The following CLDN4 variants were observed in gnomAD, a reference collection of about 807,000 sequenced individuals.
CLDN4 encodes claudin 4, also known as claudin-4.
CLDN4 carries 12 observed loss-of-function variants against 13.7 expected under a neutral mutation model. The observed-to-expected ratio is 0.88, with a 90% confidence interval of 0.56 to 1.42. The LOEUF is 1.42. Ranked by LOEUF, CLDN4 falls within the 40% of genes most tolerant of loss-of-function variation. The probability of loss-of-function intolerance (pLI) is 0.00; values close to 1 mark genes in which losing one functional copy is unlikely to be tolerated. For synonymous variants in CLDN4, 152 were observed against 140.6 expected, an observed-to-expected ratio of 1.08 and a Z score of -0.57; for missense variants, 252 against 297.4, an observed-to-expected ratio of 0.85 and a Z score of 1.12.
Position 73,831,079 on chromosome 7 carries a change from G to C in CLDN4, c.-123G>C. 8.0e-7 allele frequency: 1 copy of C among 1,245,690 alleles called. No individual in the cohort carries two copies. The highest frequency in any genetic ancestry group is 1.5e-5 in the African/African-American group (1 of 67,100). 77.2% of individuals were successfully genotyped at this position (1,245,690 alleles called of 1,614,324 possible). On this transcript the variant is annotated 5_prime_UTR_variant, in exon 1 of 1. Transcript: ENST00000340958. ...CGCATCAGGACTGGCTTTATCTCCT[G>C]ACTCACGGTGCAAAGGTGCACTCTG...
At position 73,831,169 on chromosome 7, in the gene CLDN4, T is replaced by C; in HGVS notation, c.-33T>C. The stretch of plus-strand genomic sequence containing the variant: ...CCCCCACAGCCGGATCCCCTCAGCC[T>C]TCCAGGTCCTCAACTCCCGTGGACG... On this transcript the variant is annotated 5_prime_UTR_variant, in exon 1 of 1. Transcript: ENST00000340958. 1 of 1,524,552 alleles carries C rather than the reference T, an allele frequency of 6.6e-7. No individual in the cohort carries two copies. Among genetic ancestry groups the C allele is most frequent in the Non-Finnish European group, 8.8e-7 (1 of 1,138,070 alleles). The allele number at this position is 1,524,552 out of a possible 1,614,324, so 94.4% of individuals were successfully genotyped here. A position where few individuals can be genotyped will look rare whatever the true frequency, so the allele number is the denominator to read the frequency against.
chr7:73,831,364 G>A lies in CLDN4; in HGVS notation c.163G>A (p.Val55Met), dbSNP rs199697067. 46 of 1,614,052 alleles carry A rather than the reference G, an allele frequency of 2.8e-5. No homozygotes were observed. The highest frequency in any genetic ancestry group is 3.6e-5 in the Non-Finnish European group (43 of 1,179,964). ...CTGGGAGGGCCTATGGATGAACTGC[G>A]TGGTGCAGAGCACCGGCCAGATGCA... ...TIWEGLWMNC[V>M]VQSTGQMQCK... The change falls in exon 1 of 1, where the codon GTG becomes ATG. Residue 55 changes from valine to methionine, a missense_variant. Val to Met is a conservative substitution (Grantham distance 21, BLOSUM62 1). Transcript: ENST00000340958.
chr7:73,831,330 G>C lies in CLDN4; in HGVS notation c.129G>C (p.Ser43=). Residue 43 remains serine (S), a synonymous_variant, in exon 1 of 1, where the codon TCG becomes TCC. Coordinates refer to ENST00000340958, the MANE Select transcript of CLDN4 (RefSeq NM_001305.5). ...TAFIGSNIVT[S]QTIWEGLWMN... ...TCATCGGCAGCAACATTGTCACCTC[G>C]CAGACCATCTGGGAGGGCCTATGGA... is the stretch of plus-strand genomic sequence containing the variant. 1 of 1,614,000 alleles carries C rather than the reference G, an allele frequency of 6.2e-7. No individual in the cohort carries two copies. Among genetic ancestry groups the C allele is most frequent in the Non-Finnish European group, 8.5e-7 (1 of 1,179,958 alleles).
At position 73,831,711 on chromosome 7, in the gene CLDN4, C is replaced by T. The variant is rs1554634174; in HGVS notation, c.510C>T (p.Ala170=). 1.1e-5 allele frequency: 18 copies of T among 1,613,932 alleles called. No individual in the cohort carries two copies. The highest frequency in any genetic ancestry group is 1.7e-5 in the Admixed American group (1 of 60,018). ...MGASLYVGWA[A]SGLLLLGGGL... is the part of the protein sequence containing the mutation. ...CCTCGCTCTACGTCGGCTGGGCCGC[C>T]TCCGGCCTGCTGCTCCTTGGCGGGG... The change falls in exon 1 of 1, where the codon GCC becomes GCT. Residue 170 remains alanine (A), a synonymous_variant. Coordinates refer to ENST00000340958, the MANE Select transcript of CLDN4 (RefSeq NM_001305.5).
Position 73,831,566 on chromosome 7 carries a change from G to A in CLDN4, c.365G>A (p.Gly122Asp), listed in dbSNP as rs1384346684. Residue 122 changes from glycine (G) to aspartate (D), a missense_variant, in exon 1 of 1, where the codon GGC becomes GAC. By Grantham distance (94) the Gly-to-Asp change is moderately conservative. Coordinates refer to ENST00000340958, the MANE Select transcript of CLDN4 (RefSeq NM_001305.5). ...SAKAKTMIVA[G>D]VVFLLAGLMV... ...AAGGCCAAGACCATGATCGTGGCGG[G>A]CGTGGTGTTCCTGTTGGCCGGCCTT... 1.2e-6 allele frequency: 2 copies of A among 1,614,062 alleles called. No individual in the cohort carries two copies. The highest frequency in any genetic ancestry group is 1.7e-6 in the Non-Finnish European group (2 of 1,180,008).
chr7:73,831,781 TCCG>T lies in CLDN4; in HGVS notation c.583_585del (p.Ala195del). On this transcript the variant is annotated inframe_deletion, in exon 1 of 1. Transcript: ENST00000340958. The stretch of plus-strand genomic sequence containing the variant: ...TCCACCCCGCACAGACAAGCCTTAC[TCCG>T]CCAAGTATTCTGCTGCCCGCTCTGC... 1.3e-6 allele frequency: 2 copies of T among 1,595,036 alleles called. No homozygotes were observed. The highest frequency in any genetic ancestry group is 8.6e-7 in the Non-Finnish European group (1 of 1,168,414).
In CLDN4 at chr7:73,831,674, G is replaced by C; in HGVS notation, c.473G>C (p.Arg158Pro). Residue 158 changes from arginine (R) to proline (P), a missense_variant, in exon 1 of 1, where the codon CGG becomes CCG. By Grantham distance (103) the Arg-to-Pro change is moderately radical. Transcript: ENST00000340958. ...CCGCTGGTGGCCTCCGGGCAGAAGCGGGAGATGGGTGCCTCGCTCTACGTC... is the reference window on the plus strand; with the variant it reads ...CCGCTGGTGGCCTCCGGGCAGAAGCCGGAGATGGGTGCCTCGCTCTACGTC... ...YNPLVASGQK[R>P]EMGASLYVGW... 1 of 1,614,152 alleles carries C rather than the reference G, an allele frequency of 6.2e-7. No homozygotes were observed. Among genetic ancestry groups the C allele is most frequent in the Non-Finnish European group, 8.5e-7 (1 of 1,180,000 alleles).
In CLDN4 at chr7:73,831,330, G is replaced by A. The variant is rs529012641; in HGVS notation, c.129G>A (p.Ser43=). 25 of 1,614,000 alleles carry A rather than the reference G, an allele frequency of 1.5e-5. No homozygotes were observed. In the South Asian group the frequency reaches 1.8e-4, roughly 11 times the overall value. ...TCATCGGCAGCAACATTGTCACCTC[G>A]CAGACCATCTGGGAGGGCCTATGGA... ...TAFIGSNIVT[S]QTIWEGLWMN... Residue 43 remains serine, a synonymous_variant, in exon 1 of 1, where the codon TCG becomes TCA. Coordinates refer to ENST00000340958, the MANE Select transcript of CLDN4 (RefSeq NM_001305.5).
chr7:73,831,902 C>T lies in CLDN4; in HGVS notation c.*71C>T, dbSNP rs782216586. 1.0e-5 allele frequency: 15 copies of T among 1,506,858 alleles called. No homozygotes were observed. The highest frequency in any genetic ancestry group is 1.4e-5 in the South Asian group (1 of 73,952). 93.3% of individuals were successfully genotyped at this position (1,506,858 alleles called of 1,614,324 possible). ...GACTGAGCTCAGCGCAGGCTGTGAC[C>T]CCAGGAGGGCCCTGCCACGGGCCAC... On this transcript the variant is annotated 3_prime_UTR_variant, in exon 1 of 1. Transcript: ENST00000340958.
Position 73,831,216 on chromosome 7 carries a change from G to A in CLDN4, c.15G>A (p.Gly5=). 1 of 1,572,256 alleles carries A rather than the reference G, an allele frequency of 6.4e-7. No homozygotes were observed. Among genetic ancestry groups the A allele is most frequent in the South Asian group, 1.2e-5 (1 of 84,692 alleles). Residue 5 remains glycine (G), a synonymous_variant, in exon 1 of 1, where the codon GGG becomes GGA. Transcript: ENST00000340958. ...GACGCTGAACAATGGCCTCCATGGG[G>A]CTACAGGTAATGGGCATCGCGCTGG... MASM[G]LQVMGIALAV... is the part of the protein sequence containing the mutation.
rs782794763 is a variant in CLDN4, at chr7:73,831,278, C to CA, written c.77_78insA (p.Leu27AlafsTer85). The stretch of plus-strand genomic sequence containing the variant: ...TGGCTGGCCGTCATGCTGTGCTGCG[C>CA]GCTGCCCATGTGGCGCGTGACGGCC... On this transcript the variant is annotated frameshift_variant, in exon 1 of 1. Transcript: ENST00000340958. LOFTEE classifies it high-confidence loss of function. The CA allele has an allele frequency of 6.2e-7, 1 of 1,612,686 alleles. No individual in the cohort carries two copies. The highest frequency in any genetic ancestry group is 8.5e-7 in the Non-Finnish European group (1 of 1,179,344).
Position 73,831,708 on chromosome 7 carries a change from C to T in CLDN4, c.507C>T (p.Ala169=), listed in dbSNP as rs201477654. The change falls in exon 1 of 1, where the codon GCC becomes GCT. Residue 169 remains alanine (A), a synonymous_variant. Transcript: ENST00000340958. The part of the protein sequence containing the change: ...EMGASLYVGW[A]ASGLLLLGGG... ...GTGCCTCGCTCTACGTCGGCTGGGC[C>T]GCCTCCGGCCTGCTGCTCCTTGGCG... 8.2e-5 allele frequency: 132 copies of T among 1,613,996 alleles called. No individual in the cohort carries two copies. Among genetic ancestry groups the T allele is most frequent in the South Asian group, 7.6e-4 (69 of 91,054 alleles).
In CLDN4 at chr7:73,831,354, G is replaced by A; in HGVS notation, c.153G>A (p.Trp51Ter). Residue 51 changes from tryptophan (W) to a stop codon, truncating the protein, a stop_gained, in exon 1 of 1, where the codon TGG (tryptophan) becomes TGA (stop). Transcript: ENST00000340958. LOFTEE classifies it high-confidence loss of function. ...VTSQTIWEGL[W>*]MNCVVQSTGQ... is the part of the protein sequence containing the mutation. ...CGCAGACCATCTGGGAGGGCCTATG[G>A]ATGAACTGCGTGGTGCAGAGCACCG... The A allele has an allele frequency of 6.2e-7, 1 of 1,614,080 alleles. No homozygotes were observed. The highest frequency in any genetic ancestry group is 8.5e-7 in the Non-Finnish European group (1 of 1,180,000).
Position 73,832,036 on chromosome 7 carries a change from C to A in CLDN4, c.*205C>A. On this transcript the variant is annotated 3_prime_UTR_variant, in exon 1 of 1. Coordinates refer to ENST00000340958, the MANE Select transcript of CLDN4 (RefSeq NM_001305.5). ...ACTTCCCAAGGCCGCCTCCTGCTAG[C>A]AAGAACAGAGTCCACCCTCCTCTGG... 1.7e-6 allele frequency: 1 copy of A among 598,096 alleles called. No individual in the cohort carries two copies. The highest frequency in any genetic ancestry group is 2.9e-6 in the Non-Finnish European group (1 of 346,584). 37.0% of individuals were successfully genotyped at this position (598,096 alleles called of 1,614,324 possible).
chr7:73,831,987 C>T lies in CLDN4; in HGVS notation c.*156C>T, dbSNP rs1190147670. ...AGCCAGGCAGGAAGGCAGCAGCCTT[C>T]AGCCTCTCTGGCCCACTCGGACAAC... On this transcript the variant is annotated 3_prime_UTR_variant, in exon 1 of 1. Coordinates refer to ENST00000340958, the MANE Select transcript of CLDN4 (RefSeq NM_001305.5). 1.2e-5 allele frequency: 12 copies of T among 1,041,522 alleles called. No homozygotes were observed. The Admixed American group carries it at 3.1e-4, about 27-fold the overall frequency. 64.5% of individuals were successfully genotyped at this position (1,041,522 alleles called of 1,614,324 possible).
Position 73,831,815 on chromosome 7 carries a change from C to T in CLDN4, c.614C>T (p.Ala205Val). The T allele has an allele frequency of 1.3e-6, 2 of 1,568,758 alleles. No individual in the cohort carries two copies. Among genetic ancestry groups the T allele is most frequent in the Non-Finnish European group, 1.7e-6 (2 of 1,154,752 alleles). ...AKYSAARSAA[A>V]SNYV ...TATTCTGCTGCCCGCTCTGCTGCTG[C>T]CAGCAACTACGTGTAAGGTGCCACG... The change falls in exon 1 of 1, where the codon GCC becomes GTC. Residue 205 changes from alanine (A) to valine (V), a missense_variant. Transcript: ENST00000340958.
rs1188198349 is a variant in CLDN4 at position 73,831,619 on chromosome 7, GC to G, written c.421del (p.His141ThrfsTer154). 1 of 1,613,986 alleles carries G rather than the reference GC, an allele frequency of 6.2e-7. No homozygotes were observed. The highest frequency in any genetic ancestry group is 1.3e-5 in the African/African-American group (1 of 74,934). ...GGTGATAGTGCCGGTGTCCTGGACG[GC>G]CCACAACATCATCCAAGACTTCTAC... ...LMVIVPVSWT[A>X]HNIIQDFYNP... On this transcript the variant is annotated frameshift_variant, in exon 1 of 1. Coordinates refer to ENST00000340958, the MANE Select transcript of CLDN4 (RefSeq NM_001305.5). LOFTEE classifies it high-confidence loss of function.
chr7:73,831,571 G>T lies in CLDN4; in HGVS notation c.370G>T (p.Val124Leu), dbSNP rs1049466972. 1 of 1,614,156 alleles carries T rather than the reference G, an allele frequency of 6.2e-7. No homozygotes were observed. The highest frequency in any genetic ancestry group is 1.3e-5 in the African/African-American group (1 of 75,060). ...CAAGACCATGATCGTGGCGGGCGTGGTGTTCCTGTTGGCCGGCCTTATGGT... is the reference window on the plus strand; with the variant it reads ...CAAGACCATGATCGTGGCGGGCGTGTTGTTCCTGTTGGCCGGCCTTATGGT... ...KAKTMIVAGV[V>L]FLLAGLMVIV... is the part of the protein sequence containing the mutation. Residue 124 changes from valine (V) to leucine (L), a missense_variant, in exon 1 of 1, where the codon GTG (valine) becomes TTG (leucine). By Grantham distance (32) the Val-to-Leu change is conservative (BLOSUM62 1). Coordinates refer to ENST00000340958, the MANE Select transcript of CLDN4 (RefSeq NM_001305.5).
Position 73,831,715 on chromosome 7 carries a change from G to T in CLDN4, c.514G>T (p.Gly172Cys). Residue 172 changes from glycine (G) to cysteine (C), a missense_variant, in exon 1 of 1, where the codon GGC becomes TGC. Transcript: ENST00000340958. The stretch of plus-strand genomic sequence containing the variant: ...GCTCTACGTCGGCTGGGCCGCCTCC[G>T]GCCTGCTGCTCCTTGGCGGGGGGCT... ...ASLYVGWAAS[G>C]LLLLGGGLLC... 1.9e-6 allele frequency: 3 copies of T among 1,613,804 alleles called. No homozygotes were observed. The highest frequency in any genetic ancestry group is 2.5e-6 in the Non-Finnish European group (3 of 1,179,876).
Sources: gnomAD v4.1 joint callset for allele counts on GRCh38, gnomAD v4.1.1 for gene constraint, MANE v1.5 for transcripts, NCBI Gene and HGNC (gene_info 2026-07-23, HGNC 2026-07-21) for gene names.